The following FNBP1L variants were observed in gnomAD, a reference collection of about 807,000 sequenced individuals.
The protein encoded by FNBP1L is formin-binding protein 1-like.
In FNBP1L, 36 loss-of-function variants were observed where a neutral mutation model predicts 91.2. That is an observed-to-expected ratio of 0.39 (90% CI 0.30 to 0.52). FNBP1L has a LOEUF of 0.52. FNBP1L is among the 20% of genes least tolerant of loss of function. FNBP1L has a pLI of 0.66. For missense variants in FNBP1L, 571 were observed against 732.1 expected (o/e 0.78, Z 2.54); for synonymous variants, 242 against 237.0 (o/e 1.02, Z -0.19).
At chr1:93,473,921 A>G (rs762607323) in intron 1 of FNBP1L, among the ~76,000 whole-genome samples, 2 of 152,110 alleles carry the variant, frequency 1.3e-5, no homozygotes, top group Non-Finnish European at 1.5e-5. Flanking sequence ...GACGGGATCT[A>G]TGGCCTTTAG....
chr1:93,513,395 G>A (rs1196604465), intron 2 of FNBP1L, among the ~76,000 whole-genome samples: 1 of 151,936 alleles, frequency 6.6e-6, no homozygotes, highest in Non-Finnish European at 1.5e-5. Flanking sequence ...TAGAAAAAGA[G>A]GGAATCCTCC....
chr1:93,466,810 G>T (rs1669095733), intron 1 of FNBP1L, among the ~76,000 whole-genome samples: 2 of 152,088 alleles, frequency 1.3e-5, no homozygotes, highest in Admixed American at 1.3e-4. Flanking sequence ...CCATTTTCCT[G>T]ATACTGATTC....
At chr1:93,475,222 T>C (rs937582694) in intron 1 of FNBP1L, among the ~76,000 whole-genome samples, 1 of 152,196 alleles carries the variant, frequency 6.6e-6, no homozygotes, top group South Asian at 2.1e-4. Flanking sequence ...AGATTCAAGC[T>C]TTACATATTC....
intron 11 of FNBP1L, chr1:93,543,862 T>C (rs1485274387): frequency 8.0e-6 from 2 of 251,216 alleles, no homozygotes; most frequent in Non-Finnish European, 1.6e-5. Flanking sequence ...TGATTTTACT[T>C]ATTCTGTTTC....
At chr1:93,460,964 G>GT (rs573729683) in intron 1 of FNBP1L, among the ~76,000 whole-genome samples, 3 of 152,020 alleles carry the variant, frequency 2.0e-5, no homozygotes, top group Non-Finnish European at 4.4e-5. Flanking sequence ...ATAAAAATAG[G>GT]TTTTTTATGT....
intron 5 of FNBP1L, among the ~76,000 whole-genome samples, chr1:93,529,011 T>C (rs1023000699): frequency 2.0e-5 from 3 of 151,994 alleles, no homozygotes; most frequent in African/African-American, 7.2e-5. Flanking sequence ...TTAAAAAGAT[T>C]TGGGGTCTGG....
chr1:93,486,168 A>G (rs941476860), intron 1 of FNBP1L, among the ~76,000 whole-genome samples: 1 of 152,186 alleles, frequency 6.6e-6, no homozygotes, highest in Non-Finnish European at 1.5e-5. Context: ...TTAGTATACT[A>G]AAAGCTCTAA....
At chr1:93,532,886 C>A in intron 7 of FNBP1L, 36 bp from the exon 8 acceptor site, 1 of 1,522,030 alleles carries the variant, frequency 6.6e-7, no homozygotes, top group South Asian at 1.2e-5. Flanking sequence ...TTGAAAAATT[C>A]AGTTTTCTCT....
chr1:93,464,686 A>G (rs1236594796), intron 1 of FNBP1L, among the ~76,000 whole-genome samples: 1 of 152,202 alleles, frequency 6.6e-6, no homozygotes, highest in Non-Finnish European at 1.5e-5. Context: ...TACTTTCAAT[A>G]GCAGTCTTTA....
intron 1 of FNBP1L, among the ~76,000 whole-genome samples, chr1:93,471,952 T>A (rs1669302547): frequency 6.6e-6 from 1 of 152,174 alleles, no homozygotes; most frequent in South Asian, 2.1e-4. Context: ...TTTTTAAGAC[T>A]TCATTGATTA....
At chr1:93,526,628 AC>A (rs1382653284) in intron 5 of FNBP1L, among the ~76,000 whole-genome samples, 6 of 152,108 alleles carry the variant, frequency 3.9e-5, no homozygotes, top group Admixed American at 6.6e-5. Context: ...CTGCCTCTGT[AC>A]TGGGCGGGGC....
chr1:93,466,117 G>A (rs1019462314), intron 1 of FNBP1L, among the ~76,000 whole-genome samples: 3 of 151,994 alleles, frequency 2.0e-5, no homozygotes, highest in African/African-American at 7.2e-5. Context: ...AGTCAGATGA[G>A]TAGATTGCAA....
At chr1:93,459,983 G>GTGTGTGTGTGTGT (rs1553207646) in intron 1 of FNBP1L, among the ~76,000 whole-genome samples, 1 of 147,596 alleles carries the variant, frequency 6.8e-6, no homozygotes, top group Non-Finnish European at 1.5e-5. Flanking sequence ...GTGTGTTTTT[G>GTGTGTGTGTGTGT]GGATATTGAA....
Position 93,534,742 on chromosome 1 carries a change from T to C in FNBP1L, c.824T>C (p.Phe275Ser). ...QMVVDSFKSG[F>S]EPPGDFPFED... ...GTGGTAGACTCCTTCAAATCTGGTT[T>C]TGAACCTCCAGGAGACTTTCCATTT... is the stretch of plus-strand genomic sequence containing the variant. The change falls in exon 9 of 17, where the codon TTT becomes TCT. Residue 275 changes from phenylalanine to serine, a missense_variant. Phe to Ser is a radical substitution (Grantham distance 155). Around this residue, in one of 5 missense-constraint regions of FNBP1L, gnomAD observed 8 missense variants for 24.9 expected, o/e 0.32. Coordinates refer to ENST00000271234, the MANE Select transcript of FNBP1L (RefSeq NM_001164473.3). 1 of 1,572,226 alleles carries C rather than the reference T, an allele frequency of 6.4e-7. No homozygotes were observed. Among genetic ancestry groups the C allele is most frequent in the Non-Finnish European group, 8.6e-7 (1 of 1,156,172 alleles).
chr1:93,552,791 G>A lies in FNBP1L; in HGVS notation c.*375G>A, dbSNP rs1163314298. ...CCAGCTCTGTTTTAATTGGCTTTTA[G>A]ACCCACTATCTGTCAGATCCTTGCC... On this transcript the variant is annotated 3_prime_UTR_variant, in exon 17 of 17. Coordinates refer to ENST00000271234, the MANE Select transcript of FNBP1L (RefSeq NM_001164473.3). 5.4e-6 allele frequency: 1 copy of A among 185,214 alleles called. No individual in the cohort carries two copies. The highest frequency in any genetic ancestry group is 1.1e-5 in the Non-Finnish European group (1 of 90,312). The allele number at this position is 185,214 out of a possible 1,614,324, so 11.5% of individuals were successfully genotyped here.
chr1:93,534,805 A>T lies in FNBP1L; in HGVS notation c.887A>T (p.Asp296Val), dbSNP rs1313587926. The T allele has an allele frequency of 1.3e-6, 2 of 1,573,878 alleles. No homozygotes were observed. The highest frequency in any genetic ancestry group is 2.3e-5 in the South Asian group (2 of 85,510). The change falls in exon 9 of 17, where the codon GAT (aspartate) becomes GTT (valine). Residue 296 changes from aspartate (D) to valine (V), a missense_variant. By Grantham distance (152) the Asp-to-Val change is radical (BLOSUM62 -3). Transcript: ENST00000271234. ...CAACATATATATAGAACCATTTCTG[A>T]TGGGACTATCAGTGCATCCAAACAG... ...YSQHIYRTISDGTISASKQES... is the reference protein window; with the variant it reads ...YSQHIYRTISVGTISASKQES...
intron 16 of FNBP1L, 94 bp from the exon 17 acceptor site, chr1:93,552,315 G>C (rs1672439530): frequency 6.7e-7 from 1 of 1,503,388 alleles, no homozygotes; most frequent in South Asian, 1.4e-5. Context: ...AAATGATAGA[G>C]ACATTTGGGA....
chr1:93,461,246 A>G (rs1006417364), intron 1 of FNBP1L, among the ~76,000 whole-genome samples: 8 of 152,042 alleles, frequency 5.3e-5, no homozygotes, highest in Non-Finnish European at 7.4e-5. Context: ...TTCTTTTCCA[A>G]TCCTTTTGTG....
chr1:93,448,400 C>T, intron 1 of FNBP1L, 95 bp downstream of exon 1: 3 of 1,334,788 alleles, frequency 2.2e-6, no homozygotes, highest in African/African-American at 1.6e-5. Flanking sequence ...AAAGCGCGCT[C>T]CGCCGTCCTC....
Sources: allele counts gnomAD v4.1 joint callset (sites outside exome capture counted in the v4.1 genomes callset), GRCh38; gene constraint gnomAD v4.1.1; regional missense constraint gnomAD v4.1.1; transcripts MANE v1.5; gene names NCBI Gene and HGNC (gene_info 2026-07-23, HGNC 2026-07-21).